The following CACNA2D3 variants were observed in gnomAD, a reference collection of about 807,000 sequenced individuals.
CACNA2D3 encodes voltage-dependent calcium channel subunit alpha-2/delta-3.
A neutral mutation model predicts 160.6 loss-of-function variants in CACNA2D3; 60 were observed. That is an observed-to-expected ratio of 0.37 (90% confidence interval 0.30 to 0.46). The LOEUF (loss-of-function observed/expected upper bound fraction) is 0.46, where lower values mean the gene tolerates loss of function less well. CACNA2D3 is among the 20% of genes least tolerant of loss of function. The pLI is 1.00. For synonymous variants in CACNA2D3, 558 were observed against 492.9 expected (o/e 1.13, Z -1.75); for missense variants, 1,205 against 1,365.0 (o/e 0.88, Z 1.85).
chr3:54,510,782 A>G (rs1001741684), intron 5 of CACNA2D3, among the ~76,000 whole-genome samples: 2 of 152,156 alleles, frequency 1.3e-5, no homozygotes, highest in Admixed American at 6.5e-5. Context: ...CATTTTGAGC[A>G]TTAAAGAAAG....
At chr3:54,414,419 A>G (rs1699721479) in intron 4 of CACNA2D3, among the ~76,000 whole-genome samples, 1 of 152,140 alleles carries the variant, frequency 6.6e-6, no homozygotes, top group African/African-American at 2.4e-5. Context: ...CTTTACAGTA[A>G]TGATAATTGA....
At chr3:54,499,285 C>G (rs964137157) in intron 4 of CACNA2D3, among the ~76,000 whole-genome samples, 1 of 152,116 alleles carries the variant, frequency 6.6e-6, no homozygotes, top group Non-Finnish European at 1.5e-5. Flanking sequence ...TTCCTTGGGA[C>G]TTTGCCTCAT....
At chr3:54,901,834 A>G (rs1559623234) in intron 27 of CACNA2D3, among the ~76,000 whole-genome samples, 1 of 152,202 alleles carries the variant, frequency 6.6e-6, no homozygotes, top group Non-Finnish European at 1.5e-5. Flanking sequence ...AGTGACCTCA[A>G]GAAGACCTCT....
chr3:54,457,795 T>C (rs1228769178), intron 4 of CACNA2D3, among the ~76,000 whole-genome samples: 1 of 152,124 alleles, frequency 6.6e-6, no homozygotes, highest in Non-Finnish European at 1.5e-5. Context: ...ACAATTTTTA[T>C]ATCCTCTCAC....
At chr3:54,521,876 AC>A (rs1701651320) in intron 5 of CACNA2D3, among the ~76,000 whole-genome samples, 1 of 152,220 alleles carries the variant, frequency 6.6e-6, no homozygotes. Flanking sequence ...TACCATGGAC[AC>A]ACAGCTTTAT....
At chr3:54,295,286 T>C (rs1703315045) in intron 2 of CACNA2D3, among the ~76,000 whole-genome samples, 2 of 152,178 alleles carry the variant, frequency 1.3e-5, no homozygotes, top group Admixed American at 6.5e-5. Context: ...GTGTGGAGTA[T>C]GGAGAGCTTT....
At chr3:54,728,639 C>A (rs1249616689) in intron 11 of CACNA2D3, among the ~76,000 whole-genome samples, 5 of 152,170 alleles carry the variant, frequency 3.3e-5, no homozygotes, top group Non-Finnish European at 5.9e-5. Flanking sequence ...ATTGTTGAGG[C>A]TTTGGATGTT....
intron 27 of CACNA2D3, among the ~76,000 whole-genome samples, chr3:54,935,979 A>G (rs1453438986): frequency 6.6e-6 from 1 of 152,178 alleles, no homozygotes; most frequent in Non-Finnish European, 1.5e-5. Flanking sequence ...TGTTCCTGCT[A>G]AACACATGGA....
At chr3:54,463,591 C>T (rs867457639) in intron 4 of CACNA2D3, among the ~76,000 whole-genome samples, 1 of 150,292 alleles carries the variant, frequency 6.7e-6, no homozygotes, top group Non-Finnish European at 1.5e-5. Flanking sequence ...CTGCATTCTT[C>T]ACAGTTCTCG....
intron 13 of CACNA2D3, among the ~76,000 whole-genome samples, chr3:54,794,603 A>G (rs1702829394): frequency 7.5e-6 from 1 of 133,562 alleles, no homozygotes; most frequent in Non-Finnish European, 1.6e-5. Context: ...TCTCTCAGAT[A>G]TATTTTTTTT....
At chr3:54,747,276 C>T (rs1701768002) in intron 11 of CACNA2D3, among the ~76,000 whole-genome samples, 1 of 152,084 alleles carries the variant, frequency 6.6e-6, no homozygotes, top group Non-Finnish European at 1.5e-5. Context: ...ACATGTGATT[C>T]AAGGCTCCTG....
At chr3:54,908,700 G>C (rs1244551482) in intron 27 of CACNA2D3, among the ~76,000 whole-genome samples, 2 of 152,246 alleles carry the variant, frequency 1.3e-5, no homozygotes, top group Non-Finnish European at 2.9e-5. Context: ...CTGGGTGACA[G>C]AGTGAGACCC....
chr3:54,495,917 T>C (rs7614229), intron 4 of CACNA2D3, among the ~76,000 whole-genome samples: 79,901 of 152,088 alleles, frequency 0.53, 21,119 homozygotes, highest in Non-Finnish European at 0.55. Flanking sequence ...AAATCATGCA[T>C]ATGTACTCTT....
At chr3:54,247,260 G>C (rs2107417138) in intron 2 of CACNA2D3, among the ~76,000 whole-genome samples, 1 of 152,178 alleles carries the variant, frequency 6.6e-6, no homozygotes, top group African/African-American at 2.4e-5. Flanking sequence ...GTTGCAGTGA[G>C]CCAAAATCAT....
Position 55,074,289 on chromosome 3 carries a change from G to A in CACNA2D3, c.*83G>A. ...GATAAACTGTGAACCAAAATATGGT[G>A]CAACATACGAGACATGAATATAGTC... On this transcript the variant is annotated 3_prime_UTR_variant, in exon 38 of 38. Transcript: ENST00000474759. 9.3e-7 allele frequency: 1 copy of A among 1,078,768 alleles called. No individual in the cohort carries two copies. Among genetic ancestry groups the A allele is most frequent in the Non-Finnish European group, 1.4e-6 (1 of 694,150 alleles). The allele number at this position is 1,078,768 out of a possible 1,614,324, so 66.8% of individuals were successfully genotyped here. A position where few individuals can be genotyped will look rare whatever the true frequency, so the allele number is the denominator to read the frequency against.
intron 11 of CACNA2D3, among the ~76,000 whole-genome samples, chr3:54,649,339 G>C (rs1233195938): frequency 6.6e-6 from 1 of 152,190 alleles, no homozygotes; most frequent in Non-Finnish European, 1.5e-5. Context: ...TGGTGACATG[G>C]ACACAGGACA....
intron 25 of CACNA2D3, chr3:54,894,477 G>A (rs528885086): frequency 4.5e-6 from 2 of 446,528 alleles, no homozygotes; most frequent in South Asian, 3.2e-5. Context: ...ACTGCCTTAA[G>A]TGAGGACCAC....
In CACNA2D3 at chr3:54,915,851, A is replaced by G. The variant is rs1700649307; in HGVS notation, c.2449+15983A>G. Among the ~76,000 whole-genome samples, 3 of 152,168 alleles carry G rather than the reference A, an allele frequency of 2.0e-5. No individual in the cohort carries two copies. The South Asian group carries it at 6.2e-4, about 32-fold the overall frequency. On this transcript the variant is annotated intron_variant, in intron 27 of 37. Coordinates refer to ENST00000474759, the MANE Select transcript of CACNA2D3 (RefSeq NM_018398.3). ...AATATAAGTATGCATCATTTTAATC[A>G]TTTTCCTTAAAGACTGCCCATAAAG...
intron 2 of CACNA2D3, among the ~76,000 whole-genome samples, chr3:54,304,913 C>G (rs1559916276): frequency 6.8e-6 from 1 of 147,286 alleles, no homozygotes; most frequent in East Asian, 2.0e-4. Context: ...ATCTTTTGCT[C>G]TTTTTTTTTT....
Sources: allele counts gnomAD v4.1 joint callset (sites outside exome capture counted in the v4.1 genomes callset), GRCh38; gene constraint gnomAD v4.1.1; transcripts MANE v1.5; gene names NCBI Gene and HGNC (gene_info 2026-07-23, HGNC 2026-07-21).